HPGD: variants seen among roughly 807,000 people sequenced by gnomAD.
HPGD encodes the protein 15-hydroxyprostaglandin dehydrogenase.
Under a neutral mutation model 30.0 loss-of-function variants are expected in HPGD, and 29 were observed. The ratio of observed to expected loss-of-function variants is 0.97; its 90% confidence interval spans 0.72 to 1.32. The LOEUF is 1.32. Among genes scored for constraint, HPGD ranks in the 40% most tolerant of loss-of-function variants. The pLI is 0.00. For synonymous variants in HPGD, 99 were observed against 112.4 expected, an observed-to-expected ratio of 0.88 and a Z score of 0.75; for missense variants, 340 against 322.1, an observed-to-expected ratio of 1.06 and a Z score of -0.43.
intron 4 of HPGD, among the ~76,000 whole-genome samples, chr4:174,501,809 T>G (rs904556467): frequency 2.6e-5 from 4 of 152,172 alleles, no homozygotes; most frequent in African/African-American, 9.7e-5. Context: ...AAATTCCATC[T>G]CTACATTAGT....
At chr4:174,521,878 G>A in intron 2 of HPGD, 66 bp downstream of exon 2, 1 of 1,602,422 alleles carries the variant, frequency 6.2e-7, no homozygotes, top group Non-Finnish European at 8.5e-7. Context: ...CCCTGGCCGG[G>A]CTGCCTTCAG....
At chr4:174,501,871 T>C (rs563160003) in intron 4 of HPGD, among the ~76,000 whole-genome samples, 16 of 152,298 alleles carry the variant, frequency 1.1e-4, no homozygotes, top group African/African-American at 3.8e-4. Flanking sequence ...CCAGTTTTAA[T>C]CATTTCACAG....
Position 174,522,408 on chromosome 4 carries a change from T to A in HPGD, c.44A>T (p.Gln15Leu), listed in dbSNP as rs1421145222. The A allele has an allele frequency of 8.8e-6, 14 of 1,584,030 alleles. No homozygotes were observed. Among genetic ancestry groups the A allele is most frequent in the Non-Finnish European group, 1.7e-6 (2 of 1,165,932 alleles). Residue 15 changes from glutamine (Q) to leucine (L), a missense_variant, in exon 1 of 7, where the codon CAG becomes CTG. Transcript: ENST00000296522. The stretch of plus-strand genomic sequence containing the variant: ...CTCTGCAAAGGCTCTGCCTATGCCC[T>A]GAGCCGCGCCGGTCACCAGCGCCAC... ...GKVALVTGAAQGIGRAFAEAL... is the reference protein window; with the variant it reads ...GKVALVTGAALGIGRAFAEAL...
At chr4:174,509,153 CCTT>C (rs1735340673) in intron 3 of HPGD, among the ~76,000 whole-genome samples, 2 of 151,814 alleles carry the variant, frequency 1.3e-5, no homozygotes, top group Admixed American at 1.3e-4. Context: ...ATTTATTTAC[CCTT>C]CTTCTCTGCA....
intron 1 of HPGD, 102 bp downstream of exon 1, chr4:174,522,257 G>C (rs1301621858): frequency 1.5e-6 from 2 of 1,357,218 alleles, no homozygotes; most frequent in Non-Finnish European, 2.0e-6. Context: ...AAGTGGGCAC[G>C]CCGGGCGCGG....
chr4:174,521,074 A>T (rs1450552282), intron 2 of HPGD, among the ~76,000 whole-genome samples: 1 of 152,214 alleles, frequency 6.6e-6, no homozygotes, highest in African/African-American at 2.4e-5. Flanking sequence ...AAAAGTTTTC[A>T]GACCCCTTGA....
At chr4:174,511,639 C>A (rs1156598576) in intron 3 of HPGD, among the ~76,000 whole-genome samples, 1 of 151,968 alleles carries the variant, frequency 6.6e-6, no homozygotes, top group African/African-American at 2.4e-5. Context: ...CTGAACATTT[C>A]TTTTTTTTAA....
chr4:174,495,112 T>C (rs559065958), intron 5 of HPGD, among the ~76,000 whole-genome samples: 3 of 152,308 alleles, frequency 2.0e-5, no homozygotes, highest in African/African-American at 7.2e-5. Flanking sequence ...CATGGAGACA[T>C]TATCCTTGAC....
Position 174,505,358 on chromosome 4 carries a change from CA to C in HPGD, c.421+3337del, listed in dbSNP as rs45500304. On this transcript the variant is annotated intron_variant, in intron 4 of 6. Transcript: ENST00000296522. The stretch of plus-strand genomic sequence containing the variant: ...ATAGAGTAAGCAGTACAGAGAAAAA[CA>C]GGAAAAAAAAATCTGTGAGGAAGCA... Among the ~76,000 whole-genome samples the C allele has an allele frequency of 6.6e-3, 1,001 of 151,594 alleles. 10 individuals carry two copies. Among genetic ancestry groups the C allele is most frequent in the African/African-American group, 0.023 (947 of 41,312 alleles).
At chr4:174,495,441 T>C (rs1056786974) in intron 5 of HPGD, 107 bp downstream of exon 5, 1 of 848,096 alleles carries the variant, frequency 1.2e-6, no homozygotes, top group African/African-American at 1.6e-5. Flanking sequence ...ATGTCATTTT[T>C]CCACCTTTCA....
chr4:174,501,712 C>A (rs1036773692), intron 4 of HPGD, among the ~76,000 whole-genome samples: 1 of 151,986 alleles, frequency 6.6e-6, no homozygotes, highest in Admixed American at 6.6e-5. Context: ...ATATATATAG[C>A]ACTTAAAATA....
intron 4 of HPGD, chr4:174,508,232 C>T (rs1194682553): frequency 1.5e-6 from 1 of 667,580 alleles, no homozygotes; most frequent in East Asian, 2.7e-5. Context: ...AAGGAATGTG[C>T]TTATACTACA....
intron 3 of HPGD, among the ~76,000 whole-genome samples, chr4:174,509,501 A>T (rs919977067): frequency 3.9e-5 from 6 of 152,216 alleles, no homozygotes; most frequent in Non-Finnish European, 8.8e-5. Flanking sequence ...TGGGAACAGG[A>T]TGGATGCTGC....
intron 4 of HPGD, among the ~76,000 whole-genome samples, chr4:174,503,955 C>G (rs1304735603): frequency 6.6e-6 from 1 of 152,092 alleles, no homozygotes; most frequent in Admixed American, 6.5e-5. Flanking sequence ...AACTCCTGGC[C>G]TCAAGTGATC....
At chr4:174,502,617 G>A (rs897824583) in intron 4 of HPGD, among the ~76,000 whole-genome samples, 76 of 145,972 alleles carry the variant, frequency 5.2e-4, no homozygotes, top group African/African-American at 1.6e-3. Flanking sequence ...GGCGGAGCTT[G>A]CAGTGAGCCG....
At chr4:174,507,545 G>C (rs956215508) in intron 4 of HPGD, 16 of 152,220 alleles carry the variant, frequency 1.1e-4, no homozygotes, top group African/African-American at 3.9e-4. Context: ...CCAAGGTTGG[G>C]GTGGGGTGTG....
Position 174,511,678 on chromosome 4 carries a change from G to A in HPGD, c.325-2886C>T, listed in dbSNP as rs573241841. Among the ~76,000 whole-genome samples the A allele has an allele frequency of 7.2e-5, 11 of 151,952 alleles. No individual in the cohort carries two copies. The East Asian group carries it at 1.5e-3, about 21-fold the overall frequency. The stretch of plus-strand genomic sequence containing the variant: ...TATTTTGTTTTTGAGACAGAGTCTC[G>A]CTCTGTCGCCCAGGCTGGAGTGCAG... On this transcript the variant is annotated intron_variant, in intron 3 of 6. Coordinates refer to ENST00000296522, the MANE Select transcript of HPGD (RefSeq NM_000860.6).
chr4:174,519,252 C>A (rs1399501109), intron 2 of HPGD, among the ~76,000 whole-genome samples: 3 of 147,860 alleles, frequency 2.0e-5, no homozygotes, highest in African/African-American at 7.6e-5. Context: ...CTCGTTCTGT[C>A]CCCCAGGCTG....
intron 3 of HPGD, among the ~76,000 whole-genome samples, chr4:174,511,987 G>A (rs1291745955): frequency 1.3e-5 from 2 of 152,162 alleles, no homozygotes; most frequent in Non-Finnish European, 2.9e-5. Flanking sequence ...AATACATAAT[G>A]CTGCTGTTGT....
Sources: gnomAD v4.1 joint callset for allele counts (sites outside exome capture counted in the v4.1 genomes callset) on GRCh38, gnomAD v4.1.1 for gene constraint, MANE v1.5 for transcripts, NCBI Gene and HGNC (gene_info 2026-07-23, HGNC 2026-07-21) for gene names.